DBF4: variants seen among roughly 807,000 people sequenced by gnomAD.
DBF4 encodes the protein DBF4-CDC7 kinase regulatory subunit.
DBF4 carries 25 observed loss-of-function variants against 76.6 expected under a neutral mutation model. The observed-to-expected ratio is 0.33, with a 90% confidence interval of 0.24 to 0.46. The LOEUF (loss-of-function observed/expected upper bound fraction) is 0.46, where lower values mean the gene tolerates loss of function less well. Ranked by LOEUF, DBF4 falls within the 20% of genes least tolerant of loss-of-function variation. The probability of loss-of-function intolerance (pLI) is 1.00; values close to 1 mark genes in which losing one functional copy is unlikely to be tolerated. For synonymous variants in DBF4, 213 were observed against 258.0 expected, an observed-to-expected ratio of 0.83 and a Z score of 1.67; for missense variants, 638 against 760.8, an observed-to-expected ratio of 0.84 and a Z score of 1.90.
At chr7:87,900,563 T>C (rs945380791) in intron 9 of DBF4, among the ~76,000 whole-genome samples, 2 of 152,088 alleles carry the variant, frequency 1.3e-5, no homozygotes, top group Non-Finnish European at 2.9e-5. Context: ...TTATCTTGAA[T>C]GATCTGAAAT....
intron 1 of DBF4, among the ~76,000 whole-genome samples, chr7:87,877,113 G>C (rs1162204094): frequency 2.0e-5 from 3 of 152,186 alleles, no homozygotes; most frequent in African/African-American, 7.2e-5. Context: ...CTAAGCCTCC[G>C]CCCGGGCCCT....
intron 9 of DBF4, 67 bp downstream of exon 9, chr7:87,900,416 T>TA: frequency 1.3e-6 from 2 of 1,485,148 alleles, no homozygotes; most frequent in South Asian, 2.5e-5. Flanking sequence ...TTTGTAAAGA[T>TA]TTGAAATAGT....
chr7:87,893,603 C>T (rs1035240819), intron 6 of DBF4, among the ~76,000 whole-genome samples: 10 of 152,320 alleles, frequency 6.6e-5, no homozygotes, highest in African/African-American at 2.4e-4. Flanking sequence ...TCTCTTCTGT[C>T]CCTGTTAATT....
At chr7:87,905,885 G>C (rs1839901490) in intron 11 of DBF4, among the ~76,000 whole-genome samples, 1 of 151,904 alleles carries the variant, frequency 6.6e-6, no homozygotes, top group Non-Finnish European at 1.5e-5. Context: ...ACTGTGCCCA[G>C]GCAGGGTGTC....
At chr7:87,892,272 A>G (rs1839511976) in intron 6 of DBF4, among the ~76,000 whole-genome samples, 1 of 152,206 alleles carries the variant, frequency 6.6e-6, no homozygotes, top group African/African-American at 2.4e-5. Flanking sequence ...AACCCCAGAT[A>G]ACTCCTGATG....
At position 87,878,078 on chromosome 7, in the gene DBF4, A is replaced by G; in HGVS notation, c.72A>G (p.Lys24=). The change falls in exon 2 of 12, where the codon AAA becomes AAG. Residue 24 remains lysine (K), a synonymous_variant. Transcript: ENST00000265728. ...FQGGIQVKNE[K]NRPSLKSLKT... Reference sequence around the variant, plus strand: ...GTGGAATCCAAGTCAAAAATGAAAAAAACAGACCATCTCTGAAATCTCTGA... The same window carrying G: ...GTGGAATCCAAGTCAAAAATGAAAAGAACAGACCATCTCTGAAATCTCTGA... 1.2e-6 allele frequency: 2 copies of G among 1,606,146 alleles called. No individual in the cohort carries two copies. Among genetic ancestry groups the G allele is most frequent in the Non-Finnish European group, 1.7e-6 (2 of 1,178,154 alleles).
intron 8 of DBF4, among the ~76,000 whole-genome samples, chr7:87,897,954 T>A (rs565075786): frequency 1.3e-5 from 2 of 152,228 alleles, no homozygotes; most frequent in South Asian, 4.2e-4. Context: ...ATGTTTGTAT[T>A]TTTAGTAGAG....
At position 87,887,344 on chromosome 7, in the gene DBF4, A is replaced by C. The variant is rs762707677; in HGVS notation, c.466A>C (p.Asn156His). ...AIKDHDFIPSNSILSNALSWG... is the reference protein window; with the variant it reads ...AIKDHDFIPSHSILSNALSWG... The stretch of plus-strand genomic sequence containing the variant: ...TTTTTTACAGGATTTTATTCCTTCA[A>C]ATAGTATATTATCAAATGCCTTGTC... Residue 156 changes from asparagine (N) to histidine (H), a missense_variant, in exon 5 of 12, where the codon AAT becomes CAT. By Grantham distance (68) the Asn-to-His change is moderately conservative. Transcript: ENST00000265728. The C allele has an allele frequency of 1.9e-6, 3 of 1,549,926 alleles. No homozygotes were observed. The highest frequency in any genetic ancestry group is 2.6e-6 in the Non-Finnish European group (3 of 1,133,944).
Position 87,907,561 on chromosome 7 carries a change from G to C in DBF4, c.1423G>C (p.Glu475Gln). ...ACACACATTAAGTGAAAATGACTTA[G>C]AAGAACTAAGGGTAGATCACTATAA... ...SEHTLSENDL[E>Q]ELRVDHYKCN... Residue 475 changes from glutamate (E) to glutamine (Q), a missense_variant, in exon 12 of 12, where the codon GAA becomes CAA. Transcript: ENST00000265728. 6.2e-7 allele frequency: 1 copy of C among 1,614,084 alleles called. No individual in the cohort carries two copies. Among genetic ancestry groups the C allele is most frequent in the Non-Finnish European group, 8.5e-7 (1 of 1,179,958 alleles).
Position 87,891,330 on chromosome 7 carries a change from T to A in DBF4, c.597+3271T>A, listed in dbSNP as rs75971010. On this transcript the variant is annotated intron_variant, in intron 6 of 11. Coordinates refer to ENST00000265728, the MANE Select transcript of DBF4 (RefSeq NM_006716.4). ...GAACACACTGATATGTGTTCCTGTT[T>A]CTATTTTCCAGAGAAGTTTTTATAG... 5.6e-4 allele frequency among the ~76,000 whole-genome samples: 85 copies of A among 152,288 alleles called. No homozygotes were observed. In the East Asian group the frequency reaches 6.7e-3, roughly 12 times the overall value.
intron 6 of DBF4, among the ~76,000 whole-genome samples, chr7:87,888,971 G>A (rs533096382): frequency 2.6e-5 from 4 of 152,176 alleles, no homozygotes; most frequent in Non-Finnish European, 5.9e-5. Context: ...ACTGATAAGA[G>A]TGTATATAGA....
chr7:87,894,476 G>C (rs73706950), intron 6 of DBF4, among the ~76,000 whole-genome samples: 21,336 of 152,114 alleles, frequency 0.14, 2,394 homozygotes, highest in African/African-American at 0.31. Flanking sequence ...AAAAAAGTTG[G>C]GTTTTAAAGA....
chr7:87,890,234 T>C (rs1225873816), intron 6 of DBF4, among the ~76,000 whole-genome samples: 2 of 152,152 alleles, frequency 1.3e-5, no homozygotes, highest in East Asian at 3.9e-4. Context: ...GGTCACAGTT[T>C]GCAGTTTAAA....
chr7:87,907,024 A>G (rs1362520712), intron 11 of DBF4, among the ~76,000 whole-genome samples, 164 bp from the exon 12 acceptor site: 2 of 152,228 alleles, frequency 1.3e-5, no homozygotes, highest in African/African-American at 4.8e-5. Context: ...CAGCTCAAGT[A>G]AATTTGGCAA....
At chr7:87,906,466 A>G (rs1272448043) in intron 11 of DBF4, among the ~76,000 whole-genome samples, 1 of 152,182 alleles carries the variant, frequency 6.6e-6, no homozygotes, top group Non-Finnish European at 1.5e-5. Flanking sequence ...TTAATCTGTG[A>G]CATGCGGAAC....
chr7:87,893,998 G>A (rs944542446), intron 6 of DBF4, among the ~76,000 whole-genome samples: 10 of 151,932 alleles, frequency 6.6e-5, no homozygotes, highest in African/African-American at 1.2e-4. Flanking sequence ...GTGACCTTTC[G>A]CAATCTATCT....
intron 8 of DBF4, among the ~76,000 whole-genome samples, chr7:87,899,117 A>G (rs1839707097): frequency 6.6e-6 from 1 of 152,220 alleles, no homozygotes; most frequent in Admixed American, 6.5e-5. Flanking sequence ...AAGACCTAAA[A>G]TGGTAAAACT....
intron 2 of DBF4, 62 bp downstream of exon 2, chr7:87,878,287 T>C (rs1252973160): frequency 1.5e-6 from 2 of 1,306,064 alleles, no homozygotes; most frequent in Non-Finnish European, 2.1e-6. Flanking sequence ...TTCTACTGTG[T>C]AATCATTTAA....
intron 2 of DBF4, among the ~76,000 whole-genome samples, chr7:87,883,822 G>A (rs1371189671): frequency 6.6e-6 from 1 of 152,116 alleles, no homozygotes; most frequent in African/African-American, 2.4e-5. Context: ...GTCTTTCATG[G>A]ATGTAAATTG....
Sources: gnomAD v4.1 joint callset for allele counts (sites outside exome capture counted in the v4.1 genomes callset) on GRCh38, gnomAD v4.1.1 for gene constraint, MANE v1.5 for transcripts, NCBI Gene and HGNC (gene_info 2026-07-23, HGNC 2026-07-21) for gene names.